XIRP2: variants seen among roughly 807,000 people sequenced by gnomAD.
The protein encoded by XIRP2 is xin actin binding repeat containing 2, also known as xin actin-binding repeat-containing protein 2.
A neutral mutation model predicts 277.0 loss-of-function variants in XIRP2; 236 were observed. That is an observed-to-expected ratio of 0.85 (90% CI 0.77 to 0.95). The LOEUF (loss-of-function observed/expected upper bound fraction) is 0.95. XIRP2 is among the 40% of genes least tolerant of loss of function. XIRP2 has a pLI of 0.00. For synonymous variants in XIRP2, 1,490 were observed against 1,416.5 expected (o/e 1.05, Z -1.17); for missense variants, 4,640 against 4,157.5 (o/e 1.12, Z -3.19).
intron 2 of XIRP2, among the ~76,000 whole-genome samples, chr2:167,055,254 G>C (rs1689012545): frequency 6.6e-6 from 1 of 152,124 alleles, no homozygotes. Context: ...TGAGAACTGA[G>C]GGGAAAAAAG....
intron 2 of XIRP2, among the ~76,000 whole-genome samples, chr2:167,063,513 A>G (rs1380801880): frequency 6.6e-6 from 1 of 151,938 alleles, no homozygotes; most frequent in Non-Finnish European, 1.5e-5. Context: ...ATTCCCAGCT[A>G]CAATTGCAGG....
chr2:167,014,497 C>A (rs1277619019), intron 2 of XIRP2, among the ~76,000 whole-genome samples: 1 of 151,478 alleles, frequency 6.6e-6, no homozygotes, highest in Non-Finnish European at 1.5e-5. Flanking sequence ...TTTTAAAAAT[C>A]TGTAAAATGA....
chr2:166,903,530 G>A lies in XIRP2; in HGVS notation c.48G>A (p.Trp16Ter), dbSNP rs1291248594. The A allele has an allele frequency of 4.3e-6, 7 of 1,613,482 alleles. No individual in the cohort carries two copies. The highest frequency in any genetic ancestry group is 5.9e-6 in the Non-Finnish European group (7 of 1,179,688). ...KGSLNLLRQK[W>*]ESCDYQRSEC... is the part of the protein sequence containing the mutation. ...CCCTCAACCTCCTGAGGCAGAAATGGGAATCTTGTGATTATCAGAGAAGTG... is the reference window on the plus strand; with the variant it reads ...CCCTCAACCTCCTGAGGCAGAAATGAGAATCTTGTGATTATCAGAGAAGTG... Residue 16 changes from tryptophan (W) to a stop codon, truncating the protein, a stop_gained, in exon 2 of 11, where the codon TGG becomes TGA. Transcript: ENST00000409195. LOFTEE classifies it high-confidence loss of function.
At chr2:167,257,184 A>G (rs1166778087) in intron 10 of XIRP2, among the ~76,000 whole-genome samples, 2 of 151,930 alleles carry the variant, frequency 1.3e-5, no homozygotes, top group African/African-American at 2.4e-5. Flanking sequence ...AGATGAGACC[A>G]TCATGCTGGC....
At chr2:167,125,546 C>G (rs908028839) in intron 2 of XIRP2, among the ~76,000 whole-genome samples, 1 of 152,128 alleles carries the variant, frequency 6.6e-6, no homozygotes, top group African/African-American at 2.4e-5. Context: ...GTAGCTACCT[C>G]ATTAGTATTG....
rs780535877 is a variant in XIRP2, at chr2:167,242,661, A to G, written c.1269A>G (p.Thr423=). ...SCVSTSQRKE[T]STTRYSDHSV... ...TTTCAACCAGCCAGAGGAAGGAAAC[A>G]TCAACTACAAGATATAGTGATCACA... Residue 423 remains threonine, a synonymous_variant, in exon 9 of 11, where the codon ACA becomes ACG. Transcript: ENST00000409195. 1.9e-6 allele frequency: 3 copies of G among 1,614,030 alleles called. No homozygotes were observed. The highest frequency in any genetic ancestry group is 3.3e-5 in the Admixed American group (2 of 60,010).
At chr2:166,892,286 A>G (rs1401584054) in intron 1 of XIRP2, among the ~76,000 whole-genome samples, 2 of 152,162 alleles carry the variant, frequency 1.3e-5, no homozygotes, top group Non-Finnish European at 2.9e-5. Flanking sequence ...AAAAATATTT[A>G]AAGTCATGTT....
At chr2:167,069,948 A>G (rs149700889) in intron 2 of XIRP2, among the ~76,000 whole-genome samples, 1 of 152,202 alleles carries the variant, frequency 6.6e-6, no homozygotes, top group African/African-American at 2.4e-5. Flanking sequence ...ACTTTTGAAA[A>G]AATGGTTTAA....
chr2:167,144,136 A>G (rs895947458), intron 3 of XIRP2, among the ~76,000 whole-genome samples: 4 of 152,072 alleles, frequency 2.6e-5, no homozygotes, highest in South Asian at 2.1e-4. Flanking sequence ...AATATACATA[A>G]TGCAATATAA....
Position 167,246,255 on chromosome 2 carries a change from A to G in XIRP2, c.4863A>G (p.Arg1621=). 1.9e-6 allele frequency: 3 copies of G among 1,613,578 alleles called. No homozygotes were observed. The highest frequency in any genetic ancestry group is 1.3e-5 in the African/African-American group (1 of 75,026). The change falls in exon 9 of 11, where the codon AGA becomes AGG. Residue 1621 remains arginine (R), a synonymous_variant. Coordinates refer to ENST00000409195, the MANE Select transcript of XIRP2 (RefSeq NM_152381.6). ...NLLSKRDCTE[R]EILISEEEKG... ...TTTCCAAAAGGGACTGTACTGAAAG[A>G]GAGATTTTGATTAGTGAAGAAGAGA...
At chr2:166,976,006 A>G (rs1372115649) in intron 2 of XIRP2, among the ~76,000 whole-genome samples, 2 of 150,500 alleles carry the variant, frequency 1.3e-5, no homozygotes, top group Non-Finnish European at 3.0e-5. Context: ...TTTAGTGTAT[A>G]CTAAAAACTA....
intron 2 of XIRP2, among the ~76,000 whole-genome samples, chr2:167,088,987 T>C (rs983809976): frequency 2.6e-5 from 4 of 152,146 alleles, no homozygotes; most frequent in Non-Finnish European, 4.4e-5. Flanking sequence ...GTACCTGGCA[T>C]GTAATTAGCA....
At chr2:167,090,610 G>T (rs1408315941) in intron 2 of XIRP2, among the ~76,000 whole-genome samples, 2 of 152,116 alleles carry the variant, frequency 1.3e-5, no homozygotes, top group Admixed American at 1.3e-4. Flanking sequence ...GATTTATTTA[G>T]CTCATGTTTT....
intron 4 of XIRP2, among the ~76,000 whole-genome samples, chr2:167,213,154 TG>T (rs1394657187): frequency 2.0e-5 from 3 of 152,194 alleles, no homozygotes; most frequent in African/African-American, 7.2e-5. Context: ...GAAACAGTGG[TG>T]GTCTATAGAA....
In XIRP2 at chr2:167,184,472, G is replaced by T; in HGVS notation, c.563-26263G>T. 4.5e-6 allele frequency: 3 copies of T among 669,366 alleles called. No individual in the cohort carries two copies. In the South Asian group the frequency reaches 5.0e-5, roughly 11 times the overall value. The allele number at this position is 669,366 out of a possible 1,614,324, so 41.5% of individuals were successfully genotyped here. ...CAGAAAATAGAATTTGAGATCCCTC[G>T]CTTCTTCAGTTTTGTTGCTCCAGTC... On this transcript the variant is annotated intron_variant, in intron 3 of 10. Coordinates refer to ENST00000409195, the MANE Select transcript of XIRP2 (RefSeq NM_152381.6).
intron 2 of XIRP2, among the ~76,000 whole-genome samples, chr2:167,134,631 A>G (rs1691489846): frequency 6.6e-6 from 1 of 152,158 alleles, no homozygotes; most frequent in South Asian, 2.1e-4. Flanking sequence ...GGATGCCTAA[A>G]ACCACATATA....
At chr2:167,136,729 A>G (rs1691563587) in intron 3 of XIRP2, among the ~76,000 whole-genome samples, 1 of 152,272 alleles carries the variant, frequency 6.6e-6, no homozygotes, top group Non-Finnish European at 1.5e-5. Flanking sequence ...CACATTCTGG[A>G]TTTTTCCTCT....
At chr2:167,150,156 A>T (rs879836384) in intron 3 of XIRP2, among the ~76,000 whole-genome samples, 2 of 152,068 alleles carry the variant, frequency 1.3e-5, no homozygotes, top group Non-Finnish European at 2.9e-5. Flanking sequence ...TCCTTAAAAA[A>T]AAATCGGTAG....
intron 2 of XIRP2, among the ~76,000 whole-genome samples, chr2:167,005,413 A>C (rs1020084112): frequency 1.3e-5 from 2 of 151,928 alleles, no homozygotes. Flanking sequence ...GTTCAAGTCC[A>C]ACATGTACAG....
Sources: allele counts gnomAD v4.1 joint callset (sites outside exome capture counted in the v4.1 genomes callset), GRCh38; gene constraint gnomAD v4.1.1; transcripts MANE v1.5; gene names NCBI Gene and HGNC (gene_info 2026-07-23, HGNC 2026-07-21).